MTHFD1: variants seen among roughly 807,000 people sequenced by gnomAD.
The protein encoded by MTHFD1 is C-1-tetrahydrofolate synthase, cytoplasmic.
A neutral mutation model predicts 110.3 loss-of-function variants in MTHFD1; 44 were observed. That is an observed-to-expected ratio of 0.40 (90% CI 0.31 to 0.51). The LOEUF (loss-of-function observed/expected upper bound fraction) is 0.51. MTHFD1 is among the 20% of genes least tolerant of loss of function. The pLI, the probability that MTHFD1 is intolerant of heterozygous loss-of-function variation, is 0.60. For synonymous variants in MTHFD1, 402 were observed against 428.8 expected (o/e 0.94, Z 0.77); for missense variants, 909 against 1,173.1 (o/e 0.77, Z 3.29).
In MTHFD1 at chr14:64,417,701, A is replaced by G. The variant is rs1296420127; in HGVS notation, c.479-187A>G. 6.6e-6 allele frequency among the ~76,000 whole-genome samples: 1 copy of G among 152,208 alleles called. No homozygotes were observed. Among genetic ancestry groups the G allele is most frequent in the Non-Finnish European group, 1.5e-5 (1 of 68,034 alleles). On this transcript the variant is annotated intron_variant, in intron 6 of 27. Coordinates refer to ENST00000652337, the MANE Select transcript of MTHFD1 (RefSeq NM_005956.4). The surrounding 1 kb of genome is among the most constrained non-coding windows in gnomAD (Gnocchi z 4.4). ...CCCACGGCCAGAAGGACACAAGTACAAGTCCCAATTTATAGCTGAAACCCT... is the reference window on the plus strand; with the variant it reads ...CCCACGGCCAGAAGGACACAAGTACGAGTCCCAATTTATAGCTGAAACCCT...
At chr14:64,434,804 T>C (rs2078190730) in intron 15 of MTHFD1, among the ~76,000 whole-genome samples, 1 of 150,576 alleles carries the variant, frequency 6.6e-6, no homozygotes, top group African/African-American at 2.4e-5. Context: ...TTTGAGCTTC[T>C]GGGAGCGATG....
rs1186602867 is a variant in MTHFD1, at chr14:64,431,114, A to G, written c.1312-418A>G. Among the ~76,000 whole-genome samples the G allele has an allele frequency of 2.1e-5, 3 of 146,144 alleles. No homozygotes were observed. The East Asian group carries it at 6.0e-4, about 29-fold the overall frequency. On this transcript the variant is annotated intron_variant, in intron 13 of 27. Transcript: ENST00000652337. ...TTTTAAGACAGAGTCTCACTCTGTC[A>G]CCCAGGCTGGAGTGTAGTGGTGTGA... is the stretch of plus-strand genomic sequence containing the variant.
intron 26 of MTHFD1, among the ~76,000 whole-genome samples, chr14:64,457,400 T>C (rs1297132280): frequency 2.0e-5 from 3 of 152,052 alleles, no homozygotes; most frequent in Non-Finnish European, 2.9e-5. Flanking sequence ...TGGAAGATGA[T>C]AGTGAAGGCT....
In MTHFD1 at chr14:64,431,838, G is replaced by A. The variant is rs937710681; in HGVS notation, c.1471G>A (p.Asp491Asn). 1.4e-5 allele frequency: 23 copies of A among 1,614,002 alleles called. No individual in the cohort carries two copies. The highest frequency in any genetic ancestry group is 1.8e-5 in the Non-Finnish European group (21 of 1,180,016). Residue 491 changes from aspartate (D) to asparagine (N), a missense_variant, in exon 15 of 28, where the codon GAC becomes AAC. Around this residue, in one of 3 missense-constraint regions of MTHFD1, gnomAD observed 482 missense variants for 646.0 expected, o/e 0.75. Transcript: ENST00000652337. ...AGTAAATGGAGTGAGAAGGTTCTCTGACATCCAAATCCGAAGGTTAAAGGT... is the reference window on the plus strand; with the variant it reads ...AGTAAATGGAGTGAGAAGGTTCTCTAACATCCAAATCCGAAGGTTAAAGGT... ...PSVNGVRRFS[D>N]IQIRRLKRLG...
chr14:64,413,756 A>G (rs2078003868), intron 4 of MTHFD1, among the ~76,000 whole-genome samples: 1 of 152,242 alleles, frequency 6.6e-6, no homozygotes, highest in Admixed American at 6.5e-5. Context: ...GCTGCTCTAC[A>G]TCTTGATTTG....
intron 13 of MTHFD1, among the ~76,000 whole-genome samples, chr14:64,430,631 T>G (rs1290879656): frequency 6.6e-6 from 1 of 152,202 alleles, no homozygotes; most frequent in Admixed American, 6.5e-5. Flanking sequence ...CTCTGGAGAT[T>G]AGCCTTTTTT....
At position 64,446,449 on chromosome 14, in the gene MTHFD1, A is replaced by G. The variant is rs189643451; in HGVS notation, c.2178+1715A>G. On this transcript the variant is annotated intron_variant, in intron 22 of 27. Coordinates refer to ENST00000652337, the MANE Select transcript of MTHFD1 (RefSeq NM_005956.4). ...GGAGGTTTATGTTTATAATTTTCCAATGCTACAAGCAGGGCTGCAGTAAAC... is the reference window on the plus strand; with the variant it reads ...GGAGGTTTATGTTTATAATTTTCCAGTGCTACAAGCAGGGCTGCAGTAAAC... Among the ~76,000 whole-genome samples, 6 of 152,308 alleles carry G rather than the reference A, an allele frequency of 3.9e-5. No individual in the cohort carries two copies. In the East Asian group the frequency reaches 1.2e-3, roughly 29 times the overall value.
chr14:64,415,565 C>G, intron 5 of MTHFD1, 71 bp downstream of exon 5: 1 of 1,613,162 alleles, frequency 6.2e-7, no homozygotes, highest in South Asian at 1.1e-5. Flanking sequence ...TTGGGGAATA[C>G]AGCATAAATG....
intron 4 of MTHFD1, among the ~76,000 whole-genome samples, 182 bp downstream of exon 4, chr14:64,412,707 G>A (rs370061779): frequency 2.8e-5 from 4 of 140,960 alleles, no homozygotes; most frequent in East Asian, 2.1e-4. Flanking sequence ...ATGCGATCTC[G>A]ACTCTCTGCA....
chr14:64,438,653 C>A (rs779428595), intron 16 of MTHFD1, among the ~76,000 whole-genome samples: 8 of 152,094 alleles, frequency 5.3e-5, no homozygotes, highest in Non-Finnish European at 8.8e-5. Flanking sequence ...GGCCTGGCAC[C>A]CAGCGTGTTT....
chr14:64,442,552 T>C, intron 21 of MTHFD1, 150 bp downstream of exon 21: 2 of 838,218 alleles, frequency 2.4e-6, no homozygotes, highest in Non-Finnish European at 3.8e-6. Context: ...AGCCCTTGTG[T>C]TGGCTGCCTT....
At chr14:64,435,823 C>T in intron 16 of MTHFD1, 152 bp downstream of exon 16, 1 of 687,620 alleles carries the variant, frequency 1.5e-6, no homozygotes, top group South Asian at 1.6e-5. Flanking sequence ...ATTTCTTTTT[C>T]TTGCCACCTC....
At chr14:64,397,142 T>C (rs1312253604) in intron 1 of MTHFD1, among the ~76,000 whole-genome samples, 1 of 1,224 alleles carries the variant, frequency 8.2e-4, no homozygotes, top group Non-Finnish European at 1.4e-3. Context: ...AAAAAAAATA[T>C]ATATATATAT....
chr14:64,440,640 A>G (rs1362556155), intron 18 of MTHFD1: 1 of 316,190 alleles, frequency 3.2e-6, no homozygotes, highest in Admixed American at 4.4e-5. Flanking sequence ...ACCTGATGTT[A>G]AAAGTTGGTA....
intron 12 of MTHFD1, 133 bp downstream of exon 12, chr14:64,427,606 C>A (rs1040350827): frequency 1.1e-6 from 1 of 928,692 alleles, no homozygotes. Context: ...TCTCACAAAC[C>A]TCTGTAGTCA....
chr14:64,446,848 T>G (rs1375971992), intron 22 of MTHFD1, among the ~76,000 whole-genome samples: 1 of 151,876 alleles, frequency 6.6e-6, no homozygotes, highest in Non-Finnish European at 1.5e-5. Context: ...AGCCGGTTTT[T>G]GGGGTTTTTT....
At chr14:64,425,952 G>C in intron 10 of MTHFD1, 67 bp from the exon 11 acceptor site, 2 of 1,601,250 alleles carry the variant, frequency 1.2e-6, no homozygotes, top group South Asian at 2.2e-5. Context: ...TTGGGGGCTT[G>C]TTACTACTGT....
chr14:64,412,620 C>A, intron 4 of MTHFD1, 95 bp downstream of exon 4: 4 of 813,922 alleles, frequency 4.9e-6, no homozygotes, highest in Non-Finnish European at 8.4e-6. Context: ...CACATTTAGC[C>A]AAGACCTCCA....
In MTHFD1 at chr14:64,456,733, T is replaced by C. The variant is rs77864232; in HGVS notation, c.2719-1481T>C. On this transcript the variant is annotated intron_variant, in intron 26 of 27. Transcript: ENST00000652337. ...TTACCTCTTACACAATATAAGAATA[T>C]AAACCAGTTGTCAGATCCCTATAAT... Among the ~76,000 whole-genome samples, 1,474 of 152,334 alleles carry C rather than the reference T, an allele frequency of 9.7e-3. 26 individuals carry two copies. The highest frequency in any genetic ancestry group is 0.032 in the African/African-American group (1,322 of 41,560).
Sources: gnomAD v4.1 joint callset for allele counts (sites outside exome capture counted in the v4.1 genomes callset) on GRCh38, gnomAD v4.1.1 for gene constraint, gnomAD v4.1.1 regional missense constraint, Gnocchi (gnomAD v3.1) non-coding constraint, MANE v1.5 for transcripts, NCBI Gene and HGNC (gene_info 2026-07-23, HGNC 2026-07-21) for gene names.